The following LRP3 variants were observed in gnomAD, a reference collection of about 807,000 sequenced individuals.
LRP3 encodes low-density lipoprotein receptor-related protein 3.
In LRP3, 49 loss-of-function variants were observed where a neutral mutation model predicts 58.5. The observed-to-expected ratio is 0.84, with a 90% CI of 0.67 to 1.06. The LOEUF (loss-of-function observed/expected upper bound fraction) is 1.06, where lower values mean the gene tolerates loss of function less well. Ranked by LOEUF, LRP3 falls within the 50% of genes least tolerant of loss-of-function variation. LRP3 has a pLI of 0.00. For synonymous variants in LRP3, 485 were observed against 492.2 expected (o/e 0.99, Z 0.20); for missense variants, 1,019 against 1,134.2 (o/e 0.90, Z 1.46).
chr19:33,200,706 C>T (rs932328032), intron 2 of LRP3, among the ~76,000 whole-genome samples: 2 of 152,236 alleles, frequency 1.3e-5, no homozygotes, highest in Non-Finnish European at 2.9e-5. Flanking sequence ...AGTTTATCTC[C>T]TGCCCTTCCT....
chr19:33,203,330 G>T (rs970094294), intron 3 of LRP3, among the ~76,000 whole-genome samples: 1 of 152,138 alleles, frequency 6.6e-6, no homozygotes, highest in Admixed American at 6.5e-5. Context: ...GCATATGTGT[G>T]TGTGTGCATG....
chr19:33,198,920 C>T (rs1292166243), intron 2 of LRP3, among the ~76,000 whole-genome samples: 1 of 152,232 alleles, frequency 6.6e-6, no homozygotes, highest in Non-Finnish European at 1.5e-5. Flanking sequence ...GCAAATTGTG[C>T]TTTCTCAGGC....
In LRP3 at chr19:33,207,225, A is replaced by C. The variant is rs773962061; in HGVS notation, c.1963A>C (p.Met655Leu). 1.3e-5 allele frequency: 20 copies of C among 1,562,788 alleles called. No homozygotes were observed. In the African/African-American group the frequency reaches 2.6e-4, roughly 20 times the overall value. Residue 655 changes from methionine to leucine, a missense_variant, in exon 7 of 7, where the codon ATG becomes CTG. Physicochemically the swap from Met to Leu is conservative, Grantham distance 15. Transcript: ENST00000253193. ...GAAPDPPAPL[M>L]DTGSTRAAGD... ...TGCCCCCGACCCCCCAGCACCGCTC[A>C]TGGACACAGGCAGCACCAGGGCGGC...
chr19:33,206,392 G>A lies in LRP3; in HGVS notation c.1592+30G>A, dbSNP rs368663324. The stretch of plus-strand genomic sequence containing the variant: ...GCGCTGTGCCCGCAGCCAGGGGACC[G>A]GGCTTCTTCATCACCCAGGCTTGCT... On this transcript the variant is annotated intron_variant, in intron 5 of 6. Coordinates refer to ENST00000253193, the MANE Select transcript of LRP3 (RefSeq NM_002333.4). The A allele has an allele frequency of 8.0e-5, 128 of 1,601,552 alleles. 1 individual carries two copies. In the African/African-American group the frequency reaches 8.1e-4, roughly 10 times the overall value.
chr19:33,196,909 C>A, intron 2 of LRP3, 132 bp downstream of exon 2: 1 of 848,122 alleles, frequency 1.2e-6, no homozygotes, highest in Non-Finnish European at 2.0e-6. Context: ...CACAAAGGAG[C>A]TGTTTGGCTT....
chr19:33,205,736 G>A lies in LRP3; in HGVS notation c.966G>A (p.Leu322=). ...TGGGCGAGCGCGGGGACCGCCTGCTGCAGACGCTGTCCTACCGCAGCAACC... is the reference window on the plus strand; with the variant it reads ...TGGGCGAGCGCGGGGACCGCCTGCTACAGACGCTGTCCTACCGCAGCAACC... The part of the protein sequence containing the change: ...EGLGERGDRL[L]QTLSYRSNHR... The change falls in exon 5 of 7, where the codon CTG becomes CTA. Residue 322 remains leucine, a synonymous_variant. Transcript: ENST00000253193. 1 of 1,598,262 alleles carries A rather than the reference G, an allele frequency of 6.3e-7. No individual in the cohort carries two copies.
intron 2 of LRP3, among the ~76,000 whole-genome samples, chr19:33,200,112 C>T (rs116923818): frequency 0.049 from 7,523 of 152,298 alleles, 234 homozygotes; most frequent in East Asian, 0.13. Context: ...GCTTAGCATG[C>T]GCTTTAGAGA....
intron 2 of LRP3, among the ~76,000 whole-genome samples, chr19:33,197,702 G>C (rs147273185): frequency 3.0e-4 from 46 of 152,324 alleles, no homozygotes; most frequent in Admixed American, 4.6e-4. Context: ...TTCGTTGCCT[G>C]CTGCTCTGCT....
intron 2 of LRP3, among the ~76,000 whole-genome samples, chr19:33,198,759 C>T (rs1219135771): frequency 1.3e-5 from 2 of 152,214 alleles, no homozygotes; most frequent in Admixed American, 6.5e-5. Context: ...TACTGTGGCT[C>T]CAACGGGGAG....
chr19:33,202,395 C>T (rs1974350347), intron 2 of LRP3, among the ~76,000 whole-genome samples: 1 of 152,214 alleles, frequency 6.6e-6, no homozygotes, highest in South Asian at 2.1e-4. Flanking sequence ...AGTAGGTGCT[C>T]AGTAAATACT....
intron 2 of LRP3, among the ~76,000 whole-genome samples, chr19:33,197,794 C>T (rs1194387523): frequency 1.3e-5 from 2 of 152,122 alleles, no homozygotes; most frequent in Non-Finnish European, 2.9e-5. Flanking sequence ...TGTCAGGCAG[C>T]GGGACCCCTG....
Position 33,206,217 on chromosome 19 carries a change from G to A in LRP3, c.1447G>A (p.Gly483Ser), listed in dbSNP as rs778085421. 1.9e-5 allele frequency: 30 copies of A among 1,595,556 alleles called. 1 individual carries two copies. Among genetic ancestry groups the A allele is most frequent in the South Asian group, 1.1e-4 (10 of 90,560 alleles). The change falls in exon 5 of 7, where the codon GGC becomes AGC. Residue 483 changes from glycine to serine, a missense_variant. Physicochemically the swap from Gly to Ser is moderately conservative, Grantham distance 56. Around this residue, in one of 2 missense-constraint regions of LRP3, gnomAD observed 592 missense variants for 725.5 expected, o/e 0.82. Transcript: ENST00000253193. ...TGACGGCCAGGAAGACTGCCAGGAC[G>A]GCAGCGATGAGCATGGGTGCCTGGC... ...RCDGQEDCQD[G>S]SDEHGCLAAV...
chr19:33,203,131 G>A (rs1468480579), intron 3 of LRP3, 145 bp downstream of exon 3: 12 of 1,039,950 alleles, frequency 1.2e-5, no homozygotes, highest in African/African-American at 1.6e-5. Context: ...ATGTGCATGT[G>A]TGTGAGCATA....
chr19:33,202,820 G>C, intron 2 of LRP3, 28 bp from the exon 3 acceptor site: 1 of 1,583,896 alleles, frequency 6.3e-7, no homozygotes, highest in South Asian at 1.1e-5. Flanking sequence ...AAGATGGGCC[G>C]GCCTTTCTCG....
At position 33,205,616 on chromosome 19, in the gene LRP3, C is replaced by T. The variant is rs767579699; in HGVS notation, c.846C>T (p.Cys282=). The change falls in exon 5 of 7, where the codon TGC becomes TGT. Residue 282 remains cysteine, a synonymous_variant. Transcript: ENST00000253193. Reference sequence around the variant, plus strand: ...CTCGCGGGCCCTCAGACCTTCACTGCACGTGGCTGGTGGACACACAGGACT... The same window carrying T: ...CTCGCGGGCCCTCAGACCTTCACTGTACGTGGCTGGTGGACACACAGGACT... ...GAARGPSDLH[C]TWLVDTQDSR... The T allele has an allele frequency of 6.1e-5, 99 of 1,611,360 alleles. 7 individuals are homozygous for T. In the South Asian group the frequency reaches 1.1e-3, roughly 18 times the overall value.
Position 33,205,470 on chromosome 19 carries a change from T to C in LRP3, c.700T>C (p.Cys234Arg). 1 of 1,585,064 alleles carries C rather than the reference T, an allele frequency of 6.3e-7. No individual in the cohort carries two copies. The highest frequency in any genetic ancestry group is 8.6e-7 in the Non-Finnish European group (1 of 1,167,784). The change falls in exon 5 of 7, where the codon TGT becomes CGT. Residue 234 changes from cysteine (C) to arginine (R), a missense_variant. Coordinates refer to ENST00000253193, the MANE Select transcript of LRP3 (RefSeq NM_002333.4). ...GCGCTGCCTGCCTGTGGAGCGGCGC[T>C]GTGACGGCTTGCAGGACTGCGGCGA... ...STRCLPVERR[C>R]DGLQDCGDGS... is the part of the protein sequence containing the mutation.
At position 33,207,577 on chromosome 19, in the gene LRP3, C is replaced by T. The variant is rs200364994; in HGVS notation, c.*2C>T. ...GATGAGGCCCTGTTGGTCTGTTGAC[C>T]GCTGGGCTCGCTGGTGACCGCCACA... On this transcript the variant is annotated 3_prime_UTR_variant, in exon 7 of 7. Transcript: ENST00000253193. The T allele has an allele frequency of 2.1e-4, 326 of 1,590,158 alleles. No individual in the cohort carries two copies. The highest frequency in any genetic ancestry group is 2.2e-4 in the Non-Finnish European group (258 of 1,169,202).
rs746148256 is a variant in LRP3, at chr19:33,202,844, A to G, written c.122-4A>G. ...CGGCCTTTCTCGGCCTCCTCTCCCG[A>G]CAGCGGCCTGCAGTGGGAAGCTGGA... On this transcript the variant is annotated splice_polypyrimidine_tract_variant and splice_region_variant and intron_variant, in intron 2 of 6. Coordinates refer to ENST00000253193, the MANE Select transcript of LRP3 (RefSeq NM_002333.4). 26 of 1,606,376 alleles carry G rather than the reference A, an allele frequency of 1.6e-5. No individual in the cohort carries two copies. Among genetic ancestry groups the G allele is most frequent in the Non-Finnish European group, 2.0e-5 (24 of 1,176,312 alleles).
In LRP3 at chr19:33,203,590, C is replaced by T. The variant is rs539067760; in HGVS notation, c.260+604C>T. Among the ~76,000 whole-genome samples, 4 of 152,352 alleles carry T rather than the reference C, an allele frequency of 2.6e-5. No individual in the cohort carries two copies. The South Asian group carries it at 8.3e-4, about 32-fold the overall frequency. ...CAGTGCTCTGGGTCTCCACGGGCCTCTGTGGCGAGGTGCCCAAGCTGGACC... is the reference window on the plus strand; with the variant it reads ...CAGTGCTCTGGGTCTCCACGGGCCTTTGTGGCGAGGTGCCCAAGCTGGACC... On this transcript the variant is annotated intron_variant, in intron 3 of 6. Transcript: ENST00000253193.
Sources: gnomAD v4.1 joint callset for allele counts (sites outside exome capture counted in the v4.1 genomes callset) on GRCh38, gnomAD v4.1.1 for gene constraint, gnomAD v4.1.1 regional missense constraint, MANE v1.5 for transcripts, NCBI Gene and HGNC (gene_info 2026-07-23, HGNC 2026-07-21) for gene names.